MASTL: variants seen among roughly 807,000 people sequenced by gnomAD.
MASTL encodes the protein microtubule associated serine/threonine kinase like.
A neutral mutation model predicts 82.5 loss-of-function variants in MASTL; 54 were observed. The ratio of observed to expected loss-of-function variants is 0.65; its 90% CI spans 0.53 to 0.82. MASTL has a LOEUF of 0.82. Among genes scored for constraint, MASTL ranks in the 40% least tolerant of loss-of-function variants. The pLI is 0.00. For missense variants in MASTL, 950 were observed against 1,047.8 expected (o/e 0.91, Z 1.29); for synonymous variants, 323 against 368.9 (o/e 0.88, Z 1.43).
intron 2 of MASTL, among the ~76,000 whole-genome samples, 161 bp downstream of exon 2, chr10:27,158,847 A>C (rs2057478362): frequency 6.6e-6 from 1 of 152,228 alleles, no homozygotes; most frequent in Non-Finnish European, 1.5e-5. Flanking sequence ...AGTTCTCCAA[A>C]GAAAAAGAAC....
chr10:27,156,829 ATTTTTTTT>A (rs10660334), intron 1 of MASTL, among the ~76,000 whole-genome samples: 1 of 122,376 alleles, frequency 8.2e-6, no homozygotes, highest in Non-Finnish European at 1.6e-5. Context: ...CCTGCTATGA[ATTTTTTTT>A]TTTTTTTTTT....
Position 27,170,545 on chromosome 10 carries a change from C to CA in MASTL, c.1592dup (p.Asn531LysfsTer5), listed in dbSNP as rs1379974871. On this transcript the variant is annotated frameshift_variant, in exon 8 of 12. Coordinates refer to ENST00000375940, the MANE Select transcript of MASTL (RefSeq NM_001172303.3). LOFTEE classifies it high-confidence loss of function. ...GAAAAATTACCTATACCAATGATAG[C>CA]AAAAAACCTTATGTGTGAACTCGAT... 6 of 1,613,082 alleles carry CA rather than the reference C, an allele frequency of 3.7e-6. No homozygotes were observed. Among genetic ancestry groups the CA allele is most frequent in the Non-Finnish European group, 5.1e-6 (6 of 1,179,804 alleles).
upstream of MASTL, chr10:27,155,100 T>G: frequency 3.1e-6 from 1 of 320,614 alleles, no homozygotes; most frequent in South Asian, 3.7e-5. Context: ...CCAGGAGAAA[T>G]CTCTTCAAAT....
chr10:27,183,271 TG>T (rs2058431652), intron 11 of MASTL, among the ~76,000 whole-genome samples: 2 of 22,040 alleles, frequency 9.1e-5, no homozygotes, highest in African/African-American at 1.2e-4. Flanking sequence ...AAAATTCTTT[TG>T]TTGTTGTTGT....
At chr10:27,157,363 G>A (rs1321777326) in intron 1 of MASTL, among the ~76,000 whole-genome samples, 2 of 152,082 alleles carry the variant, frequency 1.3e-5, no homozygotes, top group East Asian at 3.8e-4. Flanking sequence ...CACCCTCTTT[G>A]TGTCTACGAA....
At chr10:27,167,357 C>A (rs1029387160) in intron 7 of MASTL, 83 bp downstream of exon 7, 2 of 1,226,996 alleles carry the variant, frequency 1.6e-6, no homozygotes. Context: ...CATATAAATT[C>A]CATAAAGAAA....
At chr10:27,155,148 T>C (rs2057307116), upstream of MASTL, 1 of 446,118 alleles carries the variant, frequency 2.2e-6, no homozygotes, top group Non-Finnish European at 4.0e-6. Flanking sequence ...GTCCTTTTTC[T>C]GGTCGGCCCA....
At chr10:27,179,571 CAA>C (rs1201721593) in intron 9 of MASTL, among the ~76,000 whole-genome samples, 1 of 151,866 alleles carries the variant, frequency 6.6e-6, no homozygotes, top group Admixed American at 6.6e-5. Context: ...AACAAACAAA[CAA>C]AGAAAAAAAA....
In MASTL at chr10:27,167,277, T is replaced by C. The variant is rs557308545; in HGVS notation, c.984+3T>C. The C allele has an allele frequency of 3.1e-6, 5 of 1,610,540 alleles. No individual in the cohort carries two copies. The African/African-American group carries it at 6.7e-5, about 21-fold the overall frequency. ...CCAAATGGGAAAAAGATTGCCAGGT[T>C]TGAGGGACATTTATCTTAATGAAAA... On this transcript the variant is annotated splice_donor_region_variant and intron_variant, in intron 7 of 11. Coordinates refer to ENST00000375940, the MANE Select transcript of MASTL (RefSeq NM_001172303.3).
rs777734309 is a variant in MASTL, at chr10:27,170,265, G to A, written c.1306G>A (p.Glu436Lys). ...WAVDSGGISE[E>K]HLGKRSLKRN... ...TGTGGATTCTGGTGGGATATCTGAA[G>A]AGCACCTTGGGAAAAGAAGTTTAAA... Residue 436 changes from glutamate to lysine, a missense_variant, in exon 8 of 12, where the codon GAG becomes AAG. Physicochemically the swap from Glu to Lys is moderately conservative, Grantham distance 56. Coordinates refer to ENST00000375940, the MANE Select transcript of MASTL (RefSeq NM_001172303.3). The A allele has an allele frequency of 3.7e-6, 6 of 1,614,096 alleles. No homozygotes were observed. The highest frequency in any genetic ancestry group is 5.1e-6 in the Non-Finnish European group (6 of 1,180,012).
At position 27,170,472 on chromosome 10, in the gene MASTL, A is replaced by G. The variant is rs747390230; in HGVS notation, c.1513A>G (p.Asn505Asp). 5.6e-6 allele frequency: 9 copies of G among 1,614,034 alleles called. No individual in the cohort carries two copies. The South Asian group carries it at 8.8e-5, about 16-fold the overall frequency. The change falls in exon 8 of 12, where the codon AAT becomes GAT. Residue 505 changes from asparagine to aspartate, a missense_variant. Coordinates refer to ENST00000375940, the MANE Select transcript of MASTL (RefSeq NM_001172303.3). Reference protein sequence around the residue: ...VHKSQQNDCANKENIVNSFTD... With the variant: ...VHKSQQNDCADKENIVNSFTD... ...CAAAAGTCAACAAAATGACTGTGCT[A>G]ATAAGGAGAACATTGTCAATTCTTT... is the stretch of plus-strand genomic sequence containing the variant.
At position 27,165,178 on chromosome 10, in the gene MASTL, C is replaced by A; in HGVS notation, c.660+8C>A. The stretch of plus-strand genomic sequence containing the variant: ...ATCAGCTCGTTGGGATTTGTAAGTA[C>A]TTGAGAAGAAAATTAACATGACATA... On this transcript the variant is annotated splice_region_variant and intron_variant, in intron 5 of 11. Transcript: ENST00000375940. The A allele has an allele frequency of 6.3e-7, 1 of 1,589,616 alleles. No individual in the cohort carries two copies.
intron 6 of MASTL, 55 bp from the exon 7 acceptor site, chr10:27,167,047 A>G: frequency 1.4e-6 from 2 of 1,397,956 alleles, no homozygotes; most frequent in Non-Finnish European, 1.0e-6. Context: ...ATTCAGGTTC[A>G]GTAAGGAACT....
rs759206450 is a variant in MASTL, at chr10:27,170,401, A to G, written c.1442A>G (p.Asn481Ser). The change falls in exon 8 of 12, where the codon AAT becomes AGT. Residue 481 changes from asparagine (N) to serine (S), a missense_variant. Asn to Ser is a conservative substitution (Grantham distance 46). Transcript: ENST00000375940. ...NEMTNCYTNQ[N>S]TGLTVEVQDL... Reference sequence around the variant, plus strand: ...ATGACAAATTGTTATACAAATCAAAATACAGGCTTAACAGTTGAAGTGCAG... The same window carrying G: ...ATGACAAATTGTTATACAAATCAAAGTACAGGCTTAACAGTTGAAGTGCAG... 1.9e-6 allele frequency: 3 copies of G among 1,614,010 alleles called. No individual in the cohort carries two copies. Among genetic ancestry groups the G allele is most frequent in the African/African-American group, 2.7e-5 (2 of 74,942 alleles).
intron 7 of MASTL, among the ~76,000 whole-genome samples, chr10:27,168,392 C>A (rs187344153): frequency 1.1e-4 from 16 of 152,262 alleles, no homozygotes; most frequent in Admixed American, 9.8e-4. Flanking sequence ...GAGGGATGCA[C>A]CGATGGGATT....
intron 6 of MASTL, 105 bp from the exon 7 acceptor site, chr10:27,166,973 GATATGTAATTCTTAATACATATTA>G (rs67614903): frequency 0.63 from 528,248 of 844,052 alleles, 163,188 homozygotes; most frequent in Non-Finnish European, 0.66. Flanking sequence ...AAATAGTTCT[GATATGTAATTCTTAATACATATTA>G]ATATGTAATT....
intron 8 of MASTL, among the ~76,000 whole-genome samples, chr10:27,172,846 C>T (rs899458772): frequency 2.6e-5 from 4 of 152,104 alleles, no homozygotes; most frequent in Admixed American, 2.6e-4. Context: ...TTTCACTGAA[C>T]ATTTTTCTTG....
At chr10:27,163,716 T>C (rs1335269948) in intron 4 of MASTL, among the ~76,000 whole-genome samples, 2 of 151,760 alleles carry the variant, frequency 1.3e-5, no homozygotes, top group African/African-American at 2.4e-5. Flanking sequence ...CTGCAAGCTC[T>C]ACCTCCTGGG....
At chr10:27,161,038 T>G (rs1285328493) in intron 3 of MASTL, 56 bp from the exon 4 acceptor site, 2 of 1,126,502 alleles carry the variant, frequency 1.8e-6, no homozygotes, top group Non-Finnish European at 2.7e-6. Context: ...CTGGAAATTC[T>G]AACATTAAAA....
Sources: allele counts gnomAD v4.1 joint callset (sites outside exome capture counted in the v4.1 genomes callset), GRCh38; gene constraint gnomAD v4.1.1; transcripts MANE v1.5; gene names NCBI Gene and HGNC (gene_info 2026-07-23, HGNC 2026-07-21).